STK33: variants seen among roughly 807,000 people sequenced by gnomAD.
The protein encoded by STK33 is serine/threonine-protein kinase 33.
In STK33, 52 loss-of-function variants were observed where a neutral mutation model predicts 58.0. The observed-to-expected ratio is 0.90, with a 90% confidence interval of 0.72 to 1.13. The LOEUF (loss-of-function observed/expected upper bound fraction) is 1.13, where lower values mean the gene tolerates loss of function less well. Among genes scored for constraint, STK33 ranks in the 50% most tolerant of loss-of-function variants. STK33 has a pLI of 0.00. For synonymous variants in STK33, 215 were observed against 200.1 expected (o/e 1.07, Z -0.63); for missense variants, 630 against 604.2 (o/e 1.04, Z -0.45).
At chr11:8,425,563 A>G (rs965783920) in intron 14 of STK33, among the ~76,000 whole-genome samples, 24 of 152,128 alleles carry the variant, frequency 1.6e-4, no homozygotes, top group African/African-American at 5.6e-4. Flanking sequence ...AATTGGTATT[A>G]ATTCCATTAT....
intron 14 of STK33, among the ~76,000 whole-genome samples, chr11:8,427,057 C>T (rs1590965561): frequency 6.6e-6 from 1 of 152,114 alleles, no homozygotes; most frequent in East Asian, 1.9e-4. Context: ...TCAGCGAACT[C>T]TACCAAGACA....
At chr11:8,345,178 C>T in the STK33 span, among the ~76,000 whole-genome samples, 2 of 152,148 alleles carry the variant, frequency 1.3e-5, no homozygotes, top group South Asian at 2.1e-4. Context: ...CCTGAGAGGC[C>T]CCGCAGAGTC....
At chr11:8,586,822 T>TCA (rs1491420466) in intron 1 of STK33, among the ~76,000 whole-genome samples, 1 of 78,220 alleles carries the variant, frequency 1.3e-5, no homozygotes, top group African/African-American at 5.2e-5. Context: ...AGACTCTGTC[T>TCA]AAAAAAAAAA....
At chr11:8,380,068 T>C in the STK33 span, among the ~76,000 whole-genome samples, 2 of 152,242 alleles carry the variant, frequency 1.3e-5, no homozygotes, top group African/African-American at 4.8e-5. Context: ...TTTTCTATTG[T>C]GAATAATCCT....
intron 1 of STK33, among the ~76,000 whole-genome samples, chr11:8,493,433 T>G (rs1012428841): frequency 2.0e-5 from 3 of 152,000 alleles, no homozygotes; most frequent in Non-Finnish European, 4.4e-5. Flanking sequence ...AATAACAGGC[T>G]CTGAAATTGA....
At chr11:8,443,533 T>C (rs1243244152) in intron 11 of STK33, among the ~76,000 whole-genome samples, 1 of 151,856 alleles carries the variant, frequency 6.6e-6, no homozygotes, top group Non-Finnish European at 1.5e-5. Context: ...AATTTTTCTA[T>C]TAAACAAGAC....
At chr11:8,403,251 G>C (rs995096490) in intron 15 of STK33, among the ~76,000 whole-genome samples, 1 of 152,122 alleles carries the variant, frequency 6.6e-6, no homozygotes, top group Admixed American at 6.5e-5. Context: ...TCATCAGAAA[G>C]CATTTTAGAA....
At position 8,539,623 on chromosome 11, in the gene STK33, C is replaced by A. The variant is rs921233128; in HGVS notation, c.-466+54460G>T. ...ACAACCCAATAGTTTCGGATTGCAG[C>A]AGGATAGCAAAAGATTCGAAGAATC... On this transcript the variant is annotated intron_variant, in intron 1 of 15. Coordinates refer to ENST00000687296, the MANE Select transcript of STK33 (RefSeq NM_001352389.2). 3.9e-5 allele frequency among the ~76,000 whole-genome samples: 6 copies of A among 152,270 alleles called. No individual in the cohort carries two copies. In the South Asian group the frequency reaches 1.2e-3, roughly 32 times the overall value.
chr11:8,497,371 C>A (rs1036160437), intron 1 of STK33, among the ~76,000 whole-genome samples: 3 of 152,218 alleles, frequency 2.0e-5, no homozygotes, highest in African/African-American at 7.2e-5. Flanking sequence ...CAACTTATCA[C>A]ATACAAAGGA....
At chr11:8,373,317 T>G in the STK33 span, among the ~76,000 whole-genome samples, 1 of 152,130 alleles carries the variant, frequency 6.6e-6, no homozygotes, top group Non-Finnish European at 1.5e-5. Flanking sequence ...CTCCAGCTCT[T>G]GATGAGGGGG....
chr11:8,477,036 T>A (rs778231552), intron 3 of STK33, among the ~76,000 whole-genome samples: 13 of 152,092 alleles, frequency 8.5e-5, no homozygotes, highest in Admixed American at 3.3e-4. Flanking sequence ...AAAAAATTTC[T>A]ATTGTGATTA....
intron 1 of STK33, among the ~76,000 whole-genome samples, chr11:8,512,998 C>T (rs1016098682): frequency 2.0e-5 from 3 of 152,166 alleles, no homozygotes; most frequent in Admixed American, 6.5e-5. Flanking sequence ...AAAAATTAAA[C>T]AAATTATGAA....
intron 10 of STK33, among the ~76,000 whole-genome samples, 175 bp from the exon 11 acceptor site, chr11:8,453,081 A>G (rs773098052): frequency 6.6e-6 from 1 of 152,310 alleles, no homozygotes; most frequent in East Asian, 1.9e-4. Flanking sequence ...ACCTCTCTGT[A>G]TAGAGGAGAA....
At chr11:8,537,579 T>C (rs1019270458) in intron 1 of STK33, among the ~76,000 whole-genome samples, 1 of 152,122 alleles carries the variant, frequency 6.6e-6, no homozygotes, top group Admixed American at 6.5e-5. Context: ...TGATTTTCTG[T>C]AGTACACATT....
At chr11:8,356,616 A>C in the STK33 span, among the ~76,000 whole-genome samples, 2 of 152,112 alleles carry the variant, frequency 1.3e-5, no homozygotes, top group South Asian at 4.1e-4. Flanking sequence ...AGTTCCTATA[A>C]AGGATCAACA....
chr11:8,354,472 CCTCACA>C, the STK33 span, among the ~76,000 whole-genome samples: 33 of 55,990 alleles, frequency 5.9e-4, 1 homozygote, highest in African/African-American at 2.2e-3. Context: ...GTCTGCAAAA[CCTCACA>C]CACACACACA....
chr11:8,448,608 C>T (rs1220727655), intron 11 of STK33, among the ~76,000 whole-genome samples: 5 of 152,134 alleles, frequency 3.3e-5, no homozygotes, highest in African/African-American at 9.7e-5. Context: ...GGATCCCTTC[C>T]TTACACCTTA....
At chr11:8,522,990 C>T (rs1353696952) in intron 1 of STK33, among the ~76,000 whole-genome samples, 7 of 152,320 alleles carry the variant, frequency 4.6e-5, no homozygotes, top group East Asian at 1.9e-4. Context: ...GACGGGGTTT[C>T]GCCGTGTTGG....
chr11:8,527,551 G>T (rs1340054611), intron 1 of STK33, among the ~76,000 whole-genome samples: 3 of 152,030 alleles, frequency 2.0e-5, no homozygotes, highest in Non-Finnish European at 4.4e-5. Context: ...ACATAAGTAG[G>T]CACAGTTCAC....
Sources: gnomAD v4.1 joint callset for allele counts (sites outside exome capture counted in the v4.1 genomes callset) on GRCh38, gnomAD v4.1.1 for gene constraint, MANE v1.5 for transcripts, NCBI Gene and HGNC (gene_info 2026-07-23, HGNC 2026-07-21) for gene names.